The following MALRD1 variants were observed in gnomAD, a reference collection of about 807,000 sequenced individuals.
MALRD1 encodes the protein MAM and LDL receptor class A domain containing 1.
In MALRD1, 247 loss-of-function variants were observed where a neutral mutation model predicts 242.1. The observed-to-expected ratio is 1.02, with a 90% confidence interval of 0.92 to 1.13. MALRD1 has a LOEUF of 1.13. Ranked by LOEUF, MALRD1 falls within the 50% of genes most tolerant of loss-of-function variation. The probability of loss-of-function intolerance (pLI) is 0.00; values close to 1 mark genes in which losing one functional copy is unlikely to be tolerated. For synonymous variants in MALRD1, 995 were observed against 866.6 expected (o/e 1.15, Z -2.60); for missense variants, 2,989 against 2,533.1 (o/e 1.18, Z -3.86).
At chr10:19,454,405 GATATATATATAT>G (rs141643131) in intron 29 of MALRD1, among the ~76,000 whole-genome samples, 22 of 80,558 alleles carry the variant, frequency 2.7e-4, no homozygotes, top group African/African-American at 4.4e-4. Flanking sequence ...TTATGCATAT[GATATATATATAT>G]ATATATATAT....
At chr10:19,132,967 G>T (rs1461498117) in intron 8 of MALRD1, among the ~76,000 whole-genome samples, 1 of 151,898 alleles carries the variant, frequency 6.6e-6, no homozygotes, top group South Asian at 2.1e-4. Context: ...ACGAATTCAT[G>T]CTCTGTCGCC....
chr10:19,266,581 G>C (rs1839983901), intron 19 of MALRD1, among the ~76,000 whole-genome samples: 1 of 151,338 alleles, frequency 6.6e-6, no homozygotes, highest in Admixed American at 6.6e-5. Flanking sequence ...TCTAAATTCA[G>C]GATACAGAAT....
intron 32 of MALRD1, among the ~76,000 whole-genome samples, chr10:19,554,620 A>G (rs911183876): frequency 6.6e-6 from 1 of 151,852 alleles, no homozygotes. Flanking sequence ...TTCAGCTCCC[A>G]CTTATGAGTG....
chr10:19,211,829 C>A (rs1271065809), intron 18 of MALRD1, among the ~76,000 whole-genome samples: 1 of 151,616 alleles, frequency 6.6e-6, no homozygotes, highest in African/African-American at 2.4e-5. Context: ...TAACAACCAG[C>A]ATTTTAATTA....
At chr10:19,160,788 T>C (rs1375293604) in intron 12 of MALRD1, among the ~76,000 whole-genome samples, 117 of 105,782 alleles carry the variant, frequency 1.1e-3, no homozygotes, top group African/African-American at 4.2e-3. Context: ...AGTTTGTATT[T>C]CTGTGGGATC....
At chr10:19,354,945 A>G (rs528379525) in intron 26 of MALRD1, among the ~76,000 whole-genome samples, 3 of 152,346 alleles carry the variant, frequency 2.0e-5, no homozygotes, top group African/African-American at 4.8e-5. Flanking sequence ...AAAAACGTTT[A>G]TGAGGTTGTA....
At chr10:19,329,413 C>CA (rs1843267974) in intron 23 of MALRD1, among the ~76,000 whole-genome samples, 1 of 46,912 alleles carries the variant, frequency 2.1e-5, no homozygotes. Context: ...TTATTTGGGA[C>CA]CCCCCCCCAA....
intron 38 of MALRD1, among the ~76,000 whole-genome samples, chr10:19,699,610 T>C (rs1179303645): frequency 6.6e-6 from 1 of 152,102 alleles, no homozygotes; most frequent in East Asian, 1.9e-4. Flanking sequence ...GGGTCATTTA[T>C]TTAAAAAGAT....
intron 21 of MALRD1, among the ~76,000 whole-genome samples, chr10:19,288,381 GT>G (rs1254060089): frequency 1.3e-5 from 2 of 151,740 alleles, no homozygotes; most frequent in Non-Finnish European, 2.9e-5. Context: ...TATTAAATAG[GT>G]CCTATTCATT....
chr10:19,509,324 T>C (rs1017515018), intron 31 of MALRD1, among the ~76,000 whole-genome samples: 4 of 152,200 alleles, frequency 2.6e-5, no homozygotes, highest in Non-Finnish European at 5.9e-5. Flanking sequence ...TAGCTAGGCA[T>C]CTGCCTCATT....
intron 31 of MALRD1, among the ~76,000 whole-genome samples, chr10:19,508,179 A>G (rs1290096519): frequency 6.6e-6 from 1 of 152,172 alleles, no homozygotes; most frequent in Non-Finnish European, 1.5e-5. Context: ...AGATGCTTTC[A>G]TTAGTGTTTT....
intron 28 of MALRD1, among the ~76,000 whole-genome samples, chr10:19,415,263 T>C (rs1254848775): frequency 1.3e-5 from 2 of 152,176 alleles, no homozygotes; most frequent in East Asian, 3.8e-4. Context: ...ATTTATTTAT[T>C]TGGGCGTTGA....
chr10:19,536,066 C>T (rs985134700), intron 32 of MALRD1, among the ~76,000 whole-genome samples: 3 of 152,148 alleles, frequency 2.0e-5, no homozygotes, highest in Admixed American at 6.5e-5. Context: ...TGAAATCTCA[C>T]TAAAGGTTAT....
intron 36 of MALRD1, among the ~76,000 whole-genome samples, chr10:19,650,650 T>C (rs1299522941): frequency 1.3e-5 from 2 of 152,150 alleles, no homozygotes; most frequent in Non-Finnish European, 2.9e-5. Context: ...TTATTACATT[T>C]GTAAAGTAGG....
chr10:19,113,449 C>G (rs187397605), intron 5 of MALRD1, among the ~76,000 whole-genome samples: 1 of 151,806 alleles, frequency 6.6e-6, no homozygotes, highest in Non-Finnish European at 1.5e-5. Context: ...TTTTCTTCTT[C>G]TTCTCATTTT....
At chr10:19,249,552 T>C (rs918089884) in intron 18 of MALRD1, among the ~76,000 whole-genome samples, 1 of 152,034 alleles carries the variant, frequency 6.6e-6, no homozygotes, top group African/African-American at 2.4e-5. Flanking sequence ...TGCTAGTTAC[T>C]GTGCTGGATG....
intron 27 of MALRD1, chr10:19,389,248 G>A (rs756113099): frequency 5.5e-5 from 37 of 678,132 alleles, no homozygotes; most frequent in African/African-American, 4.8e-4. Context: ...TGTGAAGCAC[G>A]TGCTAAAAGC....
At chr10:19,646,519 T>A (rs1230901354) in intron 36 of MALRD1, among the ~76,000 whole-genome samples, 1 of 151,920 alleles carries the variant, frequency 6.6e-6, no homozygotes, top group Admixed American at 6.6e-5. Context: ...GCAGGAGAAC[T>A]GCCTGAACCT....
chr10:19,382,465 C>A (rs1416699166), intron 26 of MALRD1, among the ~76,000 whole-genome samples: 1 of 152,044 alleles, frequency 6.6e-6, no homozygotes, highest in Non-Finnish European at 1.5e-5. Context: ...TTATTCTTTG[C>A]TTATCTGCTA....
Sources: allele counts gnomAD v4.1 joint callset (sites outside exome capture counted in the v4.1 genomes callset), GRCh38; gene constraint gnomAD v4.1.1; transcripts MANE v1.5; gene names NCBI Gene and HGNC (gene_info 2026-07-23, HGNC 2026-07-21).